Variants in PTPRB observed in about 807,000 individuals in gnomAD.
PTPRB encodes the protein receptor-type tyrosine-protein phosphatase beta.
Under a neutral mutation model 238.1 loss-of-function variants are expected in PTPRB, and 97 were observed. The ratio of observed to expected loss-of-function variants is 0.41; its 90% CI spans 0.35 to 0.48. The LOEUF (loss-of-function observed/expected upper bound fraction) is 0.48, where lower values mean the gene tolerates loss of function less well. Among genes scored for constraint, PTPRB ranks in the 20% least tolerant of loss-of-function variants. PTPRB has a pLI of 0.30. For synonymous variants in PTPRB, 970 were observed against 995.4 expected (o/e 0.97, Z 0.48); for missense variants, 2,292 against 2,681.9 (o/e 0.85, Z 3.21).
intron 28 of PTPRB, among the ~76,000 whole-genome samples, chr12:70,536,515 G>A (rs1391704641): frequency 6.6e-6 from 1 of 152,238 alleles, no homozygotes; most frequent in Non-Finnish European, 1.5e-5. Flanking sequence ...ATGTAGAAGA[G>A]TGTTAGTCAT....
chr12:70,520,004 G>C lies in PTPRB; in HGVS notation c.*1485C>G. On this transcript the variant is annotated 3_prime_UTR_variant, in exon 34 of 34. Transcript: ENST00000334414. Reference sequence around the variant, plus strand: ...GTTGTATTCACTTACGGACTTTATGGTAGGTTACAAAAATATATACTTTGA... The same window carrying C: ...GTTGTATTCACTTACGGACTTTATGCTAGGTTACAAAAATATATACTTTGA... 3 of 251,536 alleles carry C rather than the reference G, an allele frequency of 1.2e-5. No homozygotes were observed. The Middle Eastern group carries it at 1.8e-3, about 150-fold the overall frequency. The allele number at this position is 251,536 out of a possible 1,614,324, so 15.6% of individuals were successfully genotyped here.
Position 70,607,542 on chromosome 12 carries a change from CCTTTT to C in PTPRB, c.979+1522_979+1526del, listed in dbSNP as rs1381999760. 2.7e-5 allele frequency among the ~76,000 whole-genome samples: 4 copies of C among 149,196 alleles called. No homozygotes were observed. In the East Asian group the frequency reaches 7.9e-4, roughly 29 times the overall value. On this transcript the variant is annotated intron_variant, in intron 4 of 33. Transcript: ENST00000334414. ...TATTAGAAACCACCAGATTCATTTT[CCTTTT>C]CTTTTTTTTTTTTTTTTTGAGACAG...
chr12:70,524,903 GTGTATA>G (rs1565897180), intron 32 of PTPRB, among the ~76,000 whole-genome samples: 12 of 134,562 alleles, frequency 8.9e-5, no homozygotes, highest in African/African-American at 1.8e-4. Context: ...GTGTATATAT[GTGTATA>G]TATGTATGTA....
chr12:70,524,941 ATATATATGTG>A (rs1465227761), intron 32 of PTPRB, among the ~76,000 whole-genome samples: 2 of 148,254 alleles, frequency 1.3e-5, no homozygotes, highest in Admixed American at 6.7e-5. Context: ...ATATGTATGT[ATATATATGTG>A]TATATATGTA....
chr12:70,576,682 G>GGGGGGGA (rs1565967535), intron 10 of PTPRB, 37 bp from the exon 11 acceptor site: 5 of 116,342 alleles, frequency 4.3e-5, no homozygotes, highest in Non-Finnish European at 4.7e-5. Context: ...GGGGGGGGGG[G>GGGGGGGA]AAGGGGGATT....
At position 70,562,857 on chromosome 12, in the gene PTPRB, T is replaced by C; in HGVS notation, c.4155A>G (p.Ile1385Met). ...HSGELSNESF[I>M]FGRTVPASVS... ...TCTTGGTCTTACCTGTTCTACCAAA[T>C]ATGAAAGACTCATTAGACAGCTCCC... is the stretch of plus-strand genomic sequence containing the variant. Residue 1385 changes from isoleucine (I) to methionine (M), a missense_variant, in exon 16 of 34, where the codon ATA (isoleucine) becomes ATG (methionine). By Grantham distance (10) the Ile-to-Met change is conservative (BLOSUM62 1). Transcript: ENST00000334414. 1 of 1,613,884 alleles carries C rather than the reference T, an allele frequency of 6.2e-7. No homozygotes were observed. The highest frequency in any genetic ancestry group is 8.5e-7 in the Non-Finnish European group (1 of 1,179,832).
At chr12:70,586,689 A>AATCAT (rs1352229473) in intron 9 of PTPRB, among the ~76,000 whole-genome samples, 2 of 152,198 alleles carry the variant, frequency 1.3e-5, no homozygotes, top group Non-Finnish European at 2.9e-5. Context: ...GCCTTTAAAA[A>AATCAT]ATCATCCTCC....
chr12:70,532,244 G>A (rs1873368490), intron 31 of PTPRB, 74 bp from the exon 32 acceptor site: 1 of 1,443,826 alleles, frequency 6.9e-7, no homozygotes, highest in Admixed American at 2.5e-5. Context: ...AGAGACTCTG[G>A]CACAATCTTT....
At chr12:70,619,962 G>A (rs1884853977) in intron 3 of PTPRB, among the ~76,000 whole-genome samples, 1 of 152,168 alleles carries the variant, frequency 6.6e-6, no homozygotes, top group South Asian at 2.1e-4. Flanking sequence ...CTGGTATAAA[G>A]TTAAAGCTCT....
Position 70,622,483 on chromosome 12 carries a change from G to A in PTPRB, c.615C>T (p.Ser205=), listed in dbSNP as rs758635110. 1.5e-5 allele frequency: 24 copies of A among 1,613,312 alleles called. No homozygotes were observed. The highest frequency in any genetic ancestry group is 8.3e-5 in the Admixed American group (5 of 59,886). The change falls in exon 3 of 34, where the codon AGC becomes AGT. Residue 205 remains serine, a synonymous_variant. Coordinates refer to ENST00000334414, the MANE Select transcript of PTPRB (RefSeq NM_001109754.4). ...NAAENYSQNS[S]ERQHPNLHMT... The stretch of plus-strand genomic sequence containing the variant: ...TGTGCAGATTGGGATGCTGCCTCTC[G>A]CTGCTGTTTTGGCTGTAGTTTTCTG...
At chr12:70,539,404 C>A (rs952269228) in intron 26 of PTPRB, 22 of 571,608 alleles carry the variant, frequency 3.8e-5, no homozygotes, top group African/African-American at 3.5e-4. Flanking sequence ...ATCCAGGTAG[C>A]CCTTGGTTTG....
At position 70,598,810 on chromosome 12, in the gene PTPRB, CAT is replaced by C. The variant is rs138040071; in HGVS notation, c.980-2485_980-2484del. Among the ~76,000 whole-genome samples, 19 of 152,238 alleles carry C rather than the reference CAT, an allele frequency of 1.2e-4. 1 individual carries two copies. The East Asian group carries it at 3.5e-3, about 28-fold the overall frequency. ...AATGTCATGATCAGTAGAATCCAAA[CAT>C]ATATAATCCACAAAATATGAGATAT... On this transcript the variant is annotated intron_variant, in intron 4 of 33. Transcript: ENST00000334414.
At chr12:70,612,109 T>A (rs78036280) in intron 3 of PTPRB, among the ~76,000 whole-genome samples, 4,380 of 152,282 alleles carry the variant, frequency 0.029, 97 homozygotes, top group Non-Finnish European at 0.042. Flanking sequence ...CTATTATGAA[T>A]AAATAATATC....
chr12:70,538,972 G>A lies in PTPRB; in HGVS notation c.5821C>T (p.Leu1941Phe). ...TTTTTCCCTCTATTCTCCGGCAAGAGTGCAATGTCACATGACTGGTTTCGG... is the reference window on the plus strand; with the variant it reads ...TTTTTCCCTCTATTCTCCGGCAAGAATGCAATGTCACATGACTGGTTTCGG... Reference protein sequence around the residue: ...VGRNQSCDIALLPENRGKNRY... With the variant: ...VGRNQSCDIAFLPENRGKNRY... The change falls in exon 27 of 34, where the codon CTC (leucine) becomes TTC (phenylalanine). Residue 1941 changes from leucine to phenylalanine, a missense_variant. Transcript: ENST00000334414. The A allele has an allele frequency of 6.2e-7, 1 of 1,613,886 alleles. No homozygotes were observed. Among genetic ancestry groups the A allele is most frequent in the Non-Finnish European group, 8.5e-7 (1 of 1,179,852 alleles).
intron 3 of PTPRB, among the ~76,000 whole-genome samples, chr12:70,621,505 C>T (rs559826231): frequency 1.2e-4 from 18 of 152,184 alleles, no homozygotes; most frequent in East Asian, 5.8e-4. Flanking sequence ...ATAGTAAAGG[C>T]GAAGTAGAGA....
intron 3 of PTPRB, among the ~76,000 whole-genome samples, chr12:70,620,511 C>T (rs1176832516): frequency 1.4e-5 from 2 of 147,750 alleles, no homozygotes; most frequent in African/African-American, 5.3e-5. Context: ...ATTTGACACA[C>T]TTAATTTTTT....
chr12:70,579,760 T>C (rs1051849133), intron 10 of PTPRB, among the ~76,000 whole-genome samples: 6 of 148,366 alleles, frequency 4.0e-5, no homozygotes, highest in Admixed American at 6.7e-5. Flanking sequence ...ATGAGGGAAA[T>C]GGGCATACAC....
At chr12:70,601,755 C>T (rs1281778192) in intron 4 of PTPRB, among the ~76,000 whole-genome samples, 4 of 150,994 alleles carry the variant, frequency 2.6e-5, no homozygotes, top group Admixed American at 6.6e-5. Flanking sequence ...TAATTAAATA[C>T]ATTTCTAGAG....
At chr12:70,549,644 C>T (rs561084671) in intron 21 of PTPRB, among the ~76,000 whole-genome samples, 2 of 152,294 alleles carry the variant, frequency 1.3e-5, no homozygotes, top group South Asian at 4.1e-4. Context: ...AGGAGGGTCA[C>T]TGTGGTAATG....
Sources: gnomAD v4.1 joint callset for allele counts (sites outside exome capture counted in the v4.1 genomes callset) on GRCh38, gnomAD v4.1.1 for gene constraint, MANE v1.5 for transcripts, NCBI Gene and HGNC (gene_info 2026-07-23, HGNC 2026-07-21) for gene names.